The following CECR2 variants were observed in gnomAD, a reference collection of about 807,000 sequenced individuals.
CECR2 encodes chromatin remodeling regulator CECR2.
A neutral mutation model predicts 154.5 loss-of-function variants in CECR2; 30 were observed. The ratio of observed to expected loss-of-function variants is 0.19; its 90% CI spans 0.15 to 0.26. The LOEUF is 0.26. Ranked by LOEUF, CECR2 falls within the 10% of genes least tolerant of loss-of-function variation. The pLI, the probability that CECR2 is intolerant of heterozygous loss-of-function variation, is 1.00. For missense variants in CECR2, 1,743 were observed against 1,829.3 expected, an observed-to-expected ratio of 0.95 and a Z score of 0.86; for synonymous variants, 725 against 683.7, an observed-to-expected ratio of 1.06 and a Z score of -0.94.
intron 14 of CECR2, among the ~76,000 whole-genome samples, chr22:17,541,139 T>C (rs1023071665): frequency 2.6e-5 from 4 of 152,102 alleles, no homozygotes; most frequent in Admixed American, 1.3e-4. Flanking sequence ...GTATTCTCAA[T>C]GTGGGCAAAA....
At chr22:17,471,665 A>G (rs1490507396) in intron 1 of CECR2, among the ~76,000 whole-genome samples, 5 of 151,814 alleles carry the variant, frequency 3.3e-5, no homozygotes, top group African/African-American at 9.7e-5. Flanking sequence ...CCTCCCCGGT[A>G]GTTGGGATTA....
chr22:17,517,814 A>AT (rs1391265962), intron 8 of CECR2, among the ~76,000 whole-genome samples: 1 of 152,244 alleles, frequency 6.6e-6, no homozygotes, highest in Admixed American at 6.5e-5. Context: ...GTCATCGTAC[A>AT]TAACAGGGCA....
intron 1 of CECR2, among the ~76,000 whole-genome samples, chr22:17,410,591 G>A (rs2054053950): frequency 6.6e-6 from 1 of 151,958 alleles, no homozygotes; most frequent in Admixed American, 6.6e-5. Context: ...GGGACTACAG[G>A]CGCACGCCAC....
intron 17 of CECR2, among the ~76,000 whole-genome samples, chr22:17,551,487 A>G (rs999409905): frequency 1.3e-5 from 2 of 152,192 alleles, no homozygotes; most frequent in African/African-American, 4.8e-5. Flanking sequence ...TCCAGATTCC[A>G]GATTCATCAC....
At chr22:17,388,806 T>C (rs1276809497) in intron 1 of CECR2, among the ~76,000 whole-genome samples, 5 of 152,078 alleles carry the variant, frequency 3.3e-5, no homozygotes, top group Non-Finnish European at 7.4e-5. Context: ...AAAAACTTTG[T>C]TTATTTTATT....
At chr22:17,536,598 T>C (rs1391850419) in intron 9 of CECR2, among the ~76,000 whole-genome samples, 1 of 152,216 alleles carries the variant, frequency 6.6e-6, no homozygotes, top group Non-Finnish European at 1.5e-5. Context: ...ATTGCTTGCA[T>C]GGATGCCTTC....
At chr22:17,460,127 C>G (rs968226324) in intron 1 of CECR2, among the ~76,000 whole-genome samples, 19 of 152,304 alleles carry the variant, frequency 1.2e-4, no homozygotes, top group Admixed American at 3.3e-4. Flanking sequence ...AGTTTGGTGT[C>G]TTTGATAGCC....
intron 1 of CECR2, among the ~76,000 whole-genome samples, chr22:17,371,001 T>TAG (rs1339256978): frequency 6.6e-6 from 1 of 152,168 alleles, no homozygotes; most frequent in East Asian, 1.9e-4. Flanking sequence ...TAATCAAAAT[T>TAG]AGAGCCACTC....
chr22:17,462,067 A>G (rs993400515), intron 1 of CECR2, among the ~76,000 whole-genome samples: 1 of 151,824 alleles, frequency 6.6e-6, no homozygotes, highest in Non-Finnish European at 1.5e-5. Flanking sequence ...CTGGGACTAC[A>G]GGCATGAGCC....
chr22:17,458,931 T>TTA (rs2146724129), intron 1 of CECR2, among the ~76,000 whole-genome samples: 1 of 152,302 alleles, frequency 6.6e-6, no homozygotes, highest in South Asian at 2.1e-4. Flanking sequence ...AATTGTGAAG[T>TTA]TAGCACATTT....
At chr22:17,425,133 T>C (rs149363341) in intron 1 of CECR2, among the ~76,000 whole-genome samples, 104 of 152,292 alleles carry the variant, frequency 6.8e-4, no homozygotes, top group African/African-American at 2.3e-3. Context: ...TGGTTTGTTA[T>C]TTTGTTTAGT....
intron 1 of CECR2, among the ~76,000 whole-genome samples, chr22:17,415,636 T>C (rs944737180): frequency 1.3e-5 from 2 of 152,178 alleles, no homozygotes; most frequent in Non-Finnish European, 2.9e-5. Flanking sequence ...CTTAAAGTAG[T>C]GTAGGGAAGC....
At chr22:17,386,497 T>C (rs549718176) in intron 1 of CECR2, among the ~76,000 whole-genome samples, 2 of 152,314 alleles carry the variant, frequency 1.3e-5, no homozygotes, top group African/African-American at 2.4e-5. Flanking sequence ...GTTTCCAAAC[T>C]CTGCGCCATG....
In CECR2 at chr22:17,556,327, A is replaced by G. The variant is rs1015523336; in HGVS notation, c.*3487A>G. 2 of 152,200 alleles carry G rather than the reference A, an allele frequency of 1.3e-5. No individual in the cohort carries two copies. The highest frequency in any genetic ancestry group is 4.8e-5 in the African/African-American group (2 of 41,442). 9.4% of individuals were successfully genotyped at this position (152,200 alleles called of 1,614,324 possible). ...TTAAGACCTGCAGTTTGTGCCCCTC[A>G]GTTCAGTCAGACCTCAGCTTTAAAT... On this transcript the variant is annotated 3_prime_UTR_variant, in exon 19 of 19. Coordinates refer to ENST00000262608, the MANE Select transcript of CECR2 (RefSeq NM_001290047.2).
At chr22:17,382,874 C>G (rs1338027669) in intron 1 of CECR2, among the ~76,000 whole-genome samples, 4 of 151,896 alleles carry the variant, frequency 2.6e-5, no homozygotes, top group Middle Eastern at 3.4e-3. Flanking sequence ...TGCACTCCCC[C>G]CTGGGCAGCA....
At chr22:17,400,485 C>T (rs189300963) in intron 1 of CECR2, among the ~76,000 whole-genome samples, 11 of 151,794 alleles carry the variant, frequency 7.2e-5, no homozygotes, top group Non-Finnish European at 1.3e-4. Flanking sequence ...CTCTCTTTAT[C>T]CTTAGGAGGC....
chr22:17,428,414 G>C (rs1458780650), intron 1 of CECR2: 1 of 152,034 alleles, frequency 6.6e-6, no homozygotes, highest in Non-Finnish European at 1.5e-5. Flanking sequence ...AGTACCTTCA[G>C]AGTGCACAGT....
At chr22:17,523,592 T>A (rs371829642) in intron 8 of CECR2, among the ~76,000 whole-genome samples, 2 of 151,018 alleles carry the variant, frequency 1.3e-5, no homozygotes, top group South Asian at 2.1e-4. Context: ...CCATCTCAAG[T>A]GAAAATACAA....
chr22:17,498,977 TTTTA>T (rs60595589), intron 3 of CECR2, among the ~76,000 whole-genome samples: 3 of 150,946 alleles, frequency 2.0e-5, no homozygotes, highest in South Asian at 2.1e-4. Context: ...ACTTGGACAT[TTTTA>T]TTTATTTATT....
Sources: allele counts gnomAD v4.1 joint callset (sites outside exome capture counted in the v4.1 genomes callset), GRCh38; gene constraint gnomAD v4.1.1; transcripts MANE v1.5; gene names NCBI Gene and HGNC (gene_info 2026-07-23, HGNC 2026-07-21).